The following TMEM63B variants were observed in gnomAD, a reference collection of about 807,000 sequenced individuals.
TMEM63B encodes the protein transmembrane protein 63B, also known as mechanosensitive cation channel TMEM63B.
TMEM63B carries 23 observed loss-of-function variants against 102.6 expected under a neutral mutation model. The ratio of observed to expected loss-of-function variants is 0.22; its 90% CI spans 0.16 to 0.32. TMEM63B has a LOEUF of 0.32. Among genes scored for constraint, TMEM63B ranks in the 10% least tolerant of loss-of-function variants. The pLI is 1.00. For missense variants in TMEM63B, 628 were observed against 1,095.9 expected (o/e 0.57, Z 6.03); for synonymous variants, 444 against 437.0 (o/e 1.02, Z -0.20).
In TMEM63B at chr6:44,154,983, T is replaced by C. The variant is rs1767738997; in HGVS notation, c.*100T>C. 1.8e-6 allele frequency: 2 copies of C among 1,137,942 alleles called. No homozygotes were observed. Among genetic ancestry groups the C allele is most frequent in the South Asian group, 1.9e-5 (1 of 52,026 alleles). The allele number at this position is 1,137,942 out of a possible 1,614,324, so 70.5% of individuals were successfully genotyped here. On this transcript the variant is annotated 3_prime_UTR_variant, in exon 24 of 24. Coordinates refer to ENST00000323267, the MANE Select transcript of TMEM63B (RefSeq NM_018426.3). Reference sequence around the variant, plus strand: ...ATTTATTAGATCTAAAGCCCCTTCCTCCCCAGCCCCTGCTTTCATTAAGGT... The same window carrying C: ...ATTTATTAGATCTAAAGCCCCTTCCCCCCCAGCCCCTGCTTTCATTAAGGT...
intron 8 of TMEM63B, among the ~76,000 whole-genome samples, 183 bp from the exon 9 acceptor site, chr6:44,140,069 G>C (rs759465489): frequency 6.6e-6 from 1 of 152,154 alleles, no homozygotes; most frequent in Non-Finnish European, 1.5e-5. Context: ...CATTGGAATC[G>C]AAGAATTTTG....
intron 4 of TMEM63B, among the ~76,000 whole-genome samples, chr6:44,135,721 G>A (rs559049411): frequency 3.7e-4 from 57 of 152,328 alleles, no homozygotes; most frequent in South Asian, 2.7e-3. Flanking sequence ...CTTCTTGTCC[G>A]CTAACAGCTA....
chr6:44,151,747 T>G, intron 18 of TMEM63B, 99 bp from the exon 19 acceptor site: 22 of 1,346,374 alleles, frequency 1.6e-5, no homozygotes, highest in African/African-American at 4.4e-5. Flanking sequence ...GGAAGAAGCA[T>G]GTTGGTGGTG....
At position 44,152,094 on chromosome 6, in the gene TMEM63B, G is replaced by T; in HGVS notation, c.1836+86G>T. 2 of 1,447,678 alleles carry T rather than the reference G, an allele frequency of 1.4e-6. No homozygotes were observed. The highest frequency in any genetic ancestry group is 1.8e-6 in the Non-Finnish European group (2 of 1,091,184). 89.7% of individuals were successfully genotyped at this position (1,447,678 alleles called of 1,614,324 possible). A position where few individuals can be genotyped will look rare whatever the true frequency, so the allele number is the denominator to read the frequency against. On this transcript the variant is annotated intron_variant, in intron 19 of 23. Coordinates refer to ENST00000323267, the MANE Select transcript of TMEM63B (RefSeq NM_018426.3). This position sits in a 1 kb window ranked among gnomAD's most constrained non-coding sequence, Gnocchi z 6.4. ...AGCAGCCATCGCGCTAGGGTTGAGG[G>T]GCACAGGAGGGCTGAGACTTGGGGA...
intron 6 of TMEM63B, chr6:44,138,736 G>GCCCCCCCCCCCCCCC (rs77370584): frequency 2.5e-4 from 72 of 288,544 alleles, no homozygotes; most frequent in African/African-American, 1.7e-3. Flanking sequence ...CCCCCTGCCG[G>GCCCCCCCCCCCCCCC]CCCCCCCGCT....
Position 44,150,108 on chromosome 6 carries a change from C to T in TMEM63B, c.1521-116C>T. On this transcript the variant is annotated intron_variant, in intron 16 of 23. Transcript: ENST00000323267. This position sits in a 1 kb window ranked among gnomAD's most constrained non-coding sequence, Gnocchi z 4.7. ...GAAGGGGTAGTGCCCAGCACCCTCA[C>T]CTTGGGAGGCCCACCCTTCCCAGGG... is the stretch of plus-strand genomic sequence containing the variant. The T allele has an allele frequency of 7.5e-7, 1 of 1,325,572 alleles. No individual in the cohort carries two copies. The highest frequency in any genetic ancestry group is 1.1e-6 in the Non-Finnish European group (1 of 944,690). The allele number at this position is 1,325,572 out of a possible 1,614,324, so 82.1% of individuals were successfully genotyped here.
At chr6:44,140,123 A>G (rs1367590093) in intron 8 of TMEM63B, 129 bp from the exon 9 acceptor site, 5 of 720,644 alleles carry the variant, frequency 6.9e-6, no homozygotes, top group Non-Finnish European at 1.2e-5. Flanking sequence ...GCGAGGAGTC[A>G]GTGCCAGAAG....
At chr6:44,139,056 CTT>C (rs1383908151) in intron 6 of TMEM63B, 1 of 264,912 alleles carries the variant, frequency 3.8e-6, no homozygotes, top group South Asian at 4.9e-5. Flanking sequence ...ACTTCTGCCT[CTT>C]TCACCACTCC....
chr6:44,149,922 A>G lies in TMEM63B; in HGVS notation c.1477A>G (p.Thr493Ala), dbSNP rs1286301547. Residue 493 changes from threonine to alanine, a missense_variant, in exon 16 of 24, where the codon ACC becomes GCC. By Grantham distance (58) the Thr-to-Ala change is moderately conservative. Coordinates refer to ENST00000323267, the MANE Select transcript of TMEM63B (RefSeq NM_018426.3). The stretch of plus-strand genomic sequence containing the variant: ...GTGGTGCTTCTCGGCCCTCCTTCCC[A>G]CCATCGTCTACTACTCAGCCTTCTT... ...LLWCFSALLP[T>A]IVYYSAFFEA... 3 of 1,613,360 alleles carry G rather than the reference A, an allele frequency of 1.9e-6. No homozygotes were observed. The highest frequency in any genetic ancestry group is 2.5e-6 in the Non-Finnish European group (3 of 1,179,774).
rs373882132 is a variant in TMEM63B, at chr6:44,151,841, C to T, written c.1674-5C>T. Reference sequence around the variant, plus strand: ...GTGCAGTGCTGGAGCACCTGGTGCCCGCAGGTGTGTGTTCCTGCCCGACAA... The same window carrying T: ...GTGCAGTGCTGGAGCACCTGGTGCCTGCAGGTGTGTGTTCCTGCCCGACAA... On this transcript the variant is annotated splice_region_variant and splice_polypyrimidine_tract_variant and intron_variant, in intron 18 of 23. Coordinates refer to ENST00000323267, the MANE Select transcript of TMEM63B (RefSeq NM_018426.3). The T allele has an allele frequency of 7.5e-6, 12 of 1,604,850 alleles. No individual in the cohort carries two copies. The highest frequency in any genetic ancestry group is 5.2e-5 in the Admixed American group (3 of 57,868).
intron 4 of TMEM63B, 124 bp from the exon 5 acceptor site, chr6:44,136,225 C>T (rs1292272435): frequency 4.1e-6 from 3 of 737,648 alleles, no homozygotes; most frequent in African/African-American, 1.7e-5. Context: ...CTCTCTGCTT[C>T]AGCCTCTGCG....
intron 9 of TMEM63B, among the ~76,000 whole-genome samples, chr6:44,140,755 C>T (rs1764072162): frequency 6.6e-6 from 1 of 152,164 alleles, no homozygotes; most frequent in South Asian, 2.1e-4. Context: ...GTAGTACCCC[C>T]TTCTGCCTCT....
At chr6:44,137,053 CAAAA>C (rs201576147) in intron 5 of TMEM63B, among the ~76,000 whole-genome samples, 1 of 151,862 alleles carries the variant, frequency 6.6e-6, no homozygotes, top group South Asian at 2.1e-4. Flanking sequence ...TCAAAACAAA[CAAAA>C]AAAAGAAATA....
At chr6:44,138,455 CGCT>C (rs1372955261) in intron 5 of TMEM63B, 22 bp from the exon 6 acceptor site, 3 of 1,613,762 alleles carry the variant, frequency 1.9e-6, no homozygotes, top group Non-Finnish European at 2.5e-6. Context: ...TGGGGACTCC[CGCT>C]GACAGCCCTC....
chr6:44,138,689 C>T, intron 6 of TMEM63B, 172 bp downstream of exon 6: 1 of 642,492 alleles, frequency 1.6e-6, no homozygotes, highest in Non-Finnish European at 2.7e-6. Context: ...TCTGCTGTAC[C>T]CTGAACACTC....
In TMEM63B at chr6:44,150,648, T is replaced by C. The variant is rs1301049895; in HGVS notation, c.1673+19T>C. The C allele has an allele frequency of 5.0e-6, 8 of 1,598,656 alleles. No homozygotes were observed. The highest frequency in any genetic ancestry group is 1.7e-4 in the Middle Eastern group (1 of 6,006). On this transcript the variant is annotated intron_variant, in intron 18 of 23. Coordinates refer to ENST00000323267, the MANE Select transcript of TMEM63B (RefSeq NM_018426.3). This position sits in a 1 kb window ranked among gnomAD's most constrained non-coding sequence, Gnocchi z 4.7. Reference sequence around the variant, plus strand: ...GGTTTGAGTGAGTGACTGGGGCCCCTAGGGAAAGAGACCAGACAGCAGGGG... The same window carrying C: ...GGTTTGAGTGAGTGACTGGGGCCCCCAGGGAAAGAGACCAGACAGCAGGGG...
chr6:44,154,847 CG>C lies in TMEM63B; in HGVS notation c.2464del (p.Glu822ArgfsTer5). 1 of 1,604,612 alleles carries C rather than the reference CG, an allele frequency of 6.2e-7. No individual in the cohort carries two copies. Among genetic ancestry groups the C allele is most frequent in the Non-Finnish European group, 8.5e-7 (1 of 1,176,232 alleles). ...TCACGGACACAGACTTCCAGTCTTG[CG>C]AGGACAGCCTCATAGAGAATGAGAT... ...ALTDTDFQSC[E>X]DSLIENEIHQ On this transcript the variant is annotated frameshift_variant, in exon 24 of 24. Coordinates refer to ENST00000323267, the MANE Select transcript of TMEM63B (RefSeq NM_018426.3). LOFTEE classifies it high-confidence loss of function.
chr6:44,155,085 G>A lies in TMEM63B; in HGVS notation c.*202G>A, dbSNP rs1438511738. ...CCCCAACCTCAGTGAGGAGAGCCCC[G>A]AGCCGGCCCCGGGGCAAAGAGGGGT... On this transcript the variant is annotated 3_prime_UTR_variant, in exon 24 of 24. Transcript: ENST00000323267. The A allele has an allele frequency of 6.3e-6, 3 of 476,854 alleles. No individual in the cohort carries two copies. Among genetic ancestry groups the A allele is most frequent in the African/African-American group, 2.0e-5 (1 of 49,510 alleles). The allele number at this position is 476,854 out of a possible 1,614,324, so 29.5% of individuals were successfully genotyped here.
chr6:44,138,436 T>A, intron 5 of TMEM63B, 44 bp from the exon 6 acceptor site: 1 of 1,613,576 alleles, frequency 6.2e-7, no homozygotes, highest in Non-Finnish European at 8.5e-7. Flanking sequence ...GAGGTTCGGG[T>A]TGGTGGGCTG....
Sources: allele counts gnomAD v4.1 joint callset (sites outside exome capture counted in the v4.1 genomes callset), GRCh38; gene constraint gnomAD v4.1.1; non-coding constraint Gnocchi (gnomAD v3.1); transcripts MANE v1.5; gene names NCBI Gene and HGNC (gene_info 2026-07-23, HGNC 2026-07-21).